MYRIP: variants seen among roughly 807,000 people sequenced by gnomAD.
MYRIP encodes the protein myosin VIIA and Rab interacting protein.
MYRIP carries 49 observed loss-of-function variants against 98.0 expected under a neutral mutation model. That is an observed-to-expected ratio of 0.50 (90% CI 0.40 to 0.63). The LOEUF is 0.63. Among genes scored for constraint, MYRIP ranks in the 30% least tolerant of loss-of-function variants. The pLI is 0.00. For synonymous variants in MYRIP, 404 were observed against 409.5 expected, an observed-to-expected ratio of 0.99 and a Z score of 0.16; for missense variants, 1,004 against 1,058.2, an observed-to-expected ratio of 0.95 and a Z score of 0.71.
intron 2 of MYRIP, among the ~76,000 whole-genome samples, chr3:39,983,840 A>G (rs1003695593): frequency 3.3e-5 from 5 of 152,210 alleles, no homozygotes; most frequent in Admixed American, 6.5e-5. Context: ...TAAACACCAC[A>G]TGATAAATTT....
intron 11 of MYRIP, among the ~76,000 whole-genome samples, chr3:40,230,204 T>C (rs894620485): frequency 6.6e-6 from 1 of 152,184 alleles, no homozygotes; most frequent in African/African-American, 2.4e-5. Flanking sequence ...TTATGATTAA[T>C]ATCTGGAGAA....
intron 1 of MYRIP, among the ~76,000 whole-genome samples, chr3:39,813,689 C>T (rs1940777368): frequency 6.6e-6 from 1 of 152,142 alleles, no homozygotes; most frequent in Admixed American, 6.5e-5. Flanking sequence ...TTCACTGGCA[C>T]CTACTCTAGC....
chr3:40,195,329 T>C (rs1285531181), intron 10 of MYRIP, among the ~76,000 whole-genome samples: 5 of 152,230 alleles, frequency 3.3e-5, no homozygotes, highest in Non-Finnish European at 7.3e-5. Flanking sequence ...AGTATTTTGT[T>C]CTGTCACCCA....
intron 16 of MYRIP, among the ~76,000 whole-genome samples, chr3:40,257,791 T>G (rs994306758): frequency 6.6e-6 from 1 of 152,156 alleles, no homozygotes; most frequent in Non-Finnish European, 1.5e-5. Context: ...TACAACCACA[T>G]ATGAGAATGT....
chr3:39,875,503 C>G (rs1353140050), intron 1 of MYRIP, among the ~76,000 whole-genome samples: 3 of 151,864 alleles, frequency 2.0e-5, no homozygotes, highest in Non-Finnish European at 4.4e-5. Flanking sequence ...CCTCTACATC[C>G]TGCTTTGAAT....
intron 3 of MYRIP, among the ~76,000 whole-genome samples, chr3:40,134,155 C>G (rs188717631): frequency 1.5e-4 from 23 of 152,284 alleles, no homozygotes; most frequent in East Asian, 5.8e-4. Flanking sequence ...GGATGACAGA[C>G]AGCACCTGGA....
intron 3 of MYRIP, among the ~76,000 whole-genome samples, chr3:40,109,128 T>TA (rs1305228474): frequency 7.2e-5 from 11 of 152,194 alleles, no homozygotes; most frequent in Admixed American, 2.6e-4. Flanking sequence ...GCCTCTTTTT[T>TA]TTATTATTAT....
chr3:39,906,836 C>T (rs995108008), intron 2 of MYRIP, among the ~76,000 whole-genome samples: 4 of 152,134 alleles, frequency 2.6e-5, no homozygotes, highest in Non-Finnish European at 4.4e-5. Flanking sequence ...TGACATTGTT[C>T]ATGGCAGAAA....
chr3:39,900,289 A>G (rs1412481129), intron 1 of MYRIP, among the ~76,000 whole-genome samples: 1 of 152,040 alleles, frequency 6.6e-6, no homozygotes, highest in Non-Finnish European at 1.5e-5. Flanking sequence ...TTTGTATTTC[A>G]TAGTCATATG....
At chr3:39,827,479 A>G (rs1021009164) in intron 1 of MYRIP, among the ~76,000 whole-genome samples, 1 of 152,174 alleles carries the variant, frequency 6.6e-6, no homozygotes, top group East Asian at 1.9e-4. Context: ...ATCTGTTTAC[A>G]TTCAAATTAT....
chr3:39,848,026 G>C (rs1394114501), intron 1 of MYRIP, among the ~76,000 whole-genome samples: 1 of 152,188 alleles, frequency 6.6e-6, no homozygotes, highest in Non-Finnish European at 1.5e-5. Context: ...TTGAAGGCTA[G>C]AGGGTACTGC....
At chr3:40,130,897 A>G (rs917278522) in intron 3 of MYRIP, among the ~76,000 whole-genome samples, 5 of 151,762 alleles carry the variant, frequency 3.3e-5, no homozygotes, top group Non-Finnish European at 5.9e-5. Context: ...ATCACAACCC[A>G]CTCATCCAAG....
chr3:40,040,997 AAAAAAAAAGAAAATATTACCAGCAG>A (rs1947507257), intron 2 of MYRIP, among the ~76,000 whole-genome samples: 1 of 128,574 alleles, frequency 7.8e-6, no homozygotes, highest in Non-Finnish European at 1.6e-5. Context: ...AAAAAAAGAA[AAAAAAAAAGAAAATATTACCAGCAG>A]AAAAAAAAAA....
chr3:40,174,303 G>GCTCC (rs1209182348), intron 8 of MYRIP: 4 of 152,186 alleles, frequency 2.6e-5, no homozygotes, highest in African/African-American at 9.7e-5. Flanking sequence ...GATCAAGGAG[G>GCTCC]CTCCCTCCTG....
At chr3:40,222,129 G>C (rs1475151879) in intron 11 of MYRIP, among the ~76,000 whole-genome samples, 2 of 152,200 alleles carry the variant, frequency 1.3e-5, no homozygotes, top group East Asian at 1.9e-4. Context: ...CAGCAGCAGA[G>C]GTACTGCTCC....
intron 10 of MYRIP, among the ~76,000 whole-genome samples, chr3:40,204,674 A>C (rs1420068189): frequency 6.6e-6 from 1 of 152,102 alleles, no homozygotes; most frequent in African/African-American, 2.4e-5. Flanking sequence ...CTAGGTAAAT[A>C]ATCAGTCCTC....
intron 1 of MYRIP, among the ~76,000 whole-genome samples, chr3:39,817,861 CTT>C (rs1940972953): frequency 6.6e-6 from 1 of 152,044 alleles, no homozygotes; most frequent in East Asian, 1.9e-4. Context: ...CTAATCAAAA[CTT>C]TTTATTTCCC....
chr3:40,068,923 G>T (rs1209819649), intron 3 of MYRIP, among the ~76,000 whole-genome samples: 1 of 152,176 alleles, frequency 6.6e-6, no homozygotes, highest in Non-Finnish European at 1.5e-5. Flanking sequence ...TGGACACTGG[G>T]CTTGAAAACA....
intron 3 of MYRIP, among the ~76,000 whole-genome samples, chr3:40,099,217 A>C (rs1948892707): frequency 6.6e-6 from 1 of 152,138 alleles, no homozygotes; most frequent in South Asian, 2.1e-4. Context: ...CTGGATTTAC[A>C]AAAAAATGTG....
Sources: allele counts gnomAD v4.1 joint callset (sites outside exome capture counted in the v4.1 genomes callset), GRCh38; gene constraint gnomAD v4.1.1; transcripts MANE v1.5; gene names NCBI Gene and HGNC (gene_info 2026-07-23, HGNC 2026-07-21).